CUBN: variants seen among roughly 807,000 people sequenced by gnomAD.
CUBN encodes 460 kDa receptor.
CUBN carries 282 observed loss-of-function variants against 405.3 expected under a neutral mutation model. The ratio of observed to expected loss-of-function variants is 0.70; its 90% CI spans 0.63 to 0.77. CUBN has a LOEUF of 0.77. Ranked by LOEUF, CUBN falls within the 30% of genes least tolerant of loss-of-function variation. The pLI is 0.00. For synonymous variants in CUBN, 1,684 were observed against 1,617.0 expected (o/e 1.04, Z -0.99); for missense variants, 4,514 against 4,475.2 (o/e 1.01, Z -0.25).
At chr10:17,080,716 C>T (rs1835948623) in intron 17 of CUBN, among the ~76,000 whole-genome samples, 2 of 152,216 alleles carry the variant, frequency 1.3e-5, no homozygotes, top group African/African-American at 4.8e-5. Flanking sequence ...CAGCCTACAA[C>T]TTCCCTTCTC....
chr10:17,006,593 G>A (rs1269916383), intron 28 of CUBN, among the ~76,000 whole-genome samples: 1 of 152,124 alleles, frequency 6.6e-6, no homozygotes, highest in African/African-American at 2.4e-5. Context: ...AAAGAGACCT[G>A]GAGCAAAGAT....
chr10:17,091,978 T>G (rs563079510), intron 14 of CUBN, among the ~76,000 whole-genome samples: 3 of 152,210 alleles, frequency 2.0e-5, no homozygotes, highest in Non-Finnish European at 4.4e-5. Flanking sequence ...TTCACTTTAC[T>G]GTATGGACTC....
chr10:16,958,096 A>C (rs990809756), intron 31 of CUBN, among the ~76,000 whole-genome samples: 3 of 152,156 alleles, frequency 2.0e-5, no homozygotes, highest in African/African-American at 7.2e-5. Flanking sequence ...TAAGGGGAAC[A>C]AAAGTAAACT....
At position 17,088,321 on chromosome 10, in the gene CUBN, G is replaced by C. The variant is rs774640234; in HGVS notation, c.1790C>G (p.Pro597Arg). Residue 597 changes from proline to arginine, a missense_variant, in exon 15 of 67, where the codon CCT becomes CGT. By Grantham distance (103) the Pro-to-Arg change is moderately radical (BLOSUM62 -2). Coordinates refer to ENST00000377833, the MANE Select transcript of CUBN (RefSeq NM_001081.4). ...QPECGGILTGPYGSIKSPGYP... is the reference protein window; with the variant it reads ...QPECGGILTGRYGSIKSPGYP... ...CCCCGGAGACTTAATAGAACCGTAAGGACCAGTCAGGATACCTCCACACTC... is the reference window on the plus strand; with the variant it reads ...CCCCGGAGACTTAATAGAACCGTAACGACCAGTCAGGATACCTCCACACTC... 1 of 1,612,392 alleles carries C rather than the reference G, an allele frequency of 6.2e-7. No homozygotes were observed. The highest frequency in any genetic ancestry group is 8.5e-7 in the Non-Finnish European group (1 of 1,178,526).
intron 31 of CUBN, among the ~76,000 whole-genome samples, chr10:16,961,595 C>G (rs1443379157): frequency 6.6e-6 from 1 of 151,058 alleles, no homozygotes; most frequent in Non-Finnish European, 1.5e-5. Context: ...GCAAAGGGAA[C>G]TTTTTAATTC....
At chr10:17,052,786 A>G (rs9663167) in intron 22 of CUBN, among the ~76,000 whole-genome samples, 4,005 of 103,980 alleles carry the variant, frequency 0.039, 77 homozygotes, top group African/African-American at 0.093. Context: ...AAAAAAAAAA[A>G]AGAGAGAGAG....
chr10:17,125,583 G>T (rs567423495), intron 4 of CUBN, among the ~76,000 whole-genome samples: 1 of 152,300 alleles, frequency 6.6e-6, no homozygotes, highest in East Asian at 1.9e-4. Flanking sequence ...ACTGTCTGGG[G>T]ACTAAAATCT....
intron 27 of CUBN, among the ~76,000 whole-genome samples, chr10:17,034,613 T>C (rs1376162542): frequency 6.6e-6 from 1 of 152,180 alleles, no homozygotes; most frequent in Non-Finnish European, 1.5e-5. Context: ...GGATGAGGAC[T>C]AGGAATAAAT....
At chr10:17,077,564 A>C (rs557643477) in intron 17 of CUBN, among the ~76,000 whole-genome samples, 15 of 152,358 alleles carry the variant, frequency 9.8e-5, no homozygotes, top group Non-Finnish European at 2.1e-4. Flanking sequence ...AATTCAAAGC[A>C]ATTCAAATAT....
chr10:16,966,983 C>T (rs1283768322), intron 31 of CUBN, among the ~76,000 whole-genome samples: 1 of 152,158 alleles, frequency 6.6e-6, no homozygotes, highest in Non-Finnish European at 1.5e-5. Flanking sequence ...ATACGAACTT[C>T]TCCAAAATAG....
chr10:16,976,111 C>T (rs1021779284), intron 31 of CUBN, among the ~76,000 whole-genome samples: 1 of 151,904 alleles, frequency 6.6e-6, no homozygotes, highest in African/African-American at 2.4e-5. Flanking sequence ...GCTGGGATTA[C>T]AGGTCTGTGC....
At chr10:17,111,453 C>T (rs77684962) in intron 8 of CUBN, among the ~76,000 whole-genome samples, 6 of 152,086 alleles carry the variant, frequency 3.9e-5, no homozygotes, top group East Asian at 3.9e-4. Context: ...GGATGTCTAC[C>T]GCAGCACTGT....
In CUBN at chr10:17,114,629, C is replaced by T. The variant is rs1378392542; in HGVS notation, c.721-440G>A. Among the ~76,000 whole-genome samples the T allele has an allele frequency of 5.3e-5, 8 of 152,164 alleles. No homozygotes were observed. In the East Asian group the frequency reaches 1.5e-3, roughly 29 times the overall value. On this transcript the variant is annotated intron_variant, in intron 7 of 66. Coordinates refer to ENST00000377833, the MANE Select transcript of CUBN (RefSeq NM_001081.4). ...TCATTGGACGGGAATTATTTTCCAT[C>T]ACATGGGTAGAAAAAATACAACTAA...
chr10:17,088,303 G>A lies in CUBN; in HGVS notation c.1808C>T (p.Ser603Phe). The A allele has an allele frequency of 6.2e-7, 1 of 1,613,416 alleles. No homozygotes were observed. The highest frequency in any genetic ancestry group is 8.5e-7 in the Non-Finnish European group (1 of 1,179,438). Residue 603 changes from serine to phenylalanine, a missense_variant, in exon 15 of 67, where the codon TCT (serine) becomes TTT (phenylalanine). Transcript: ENST00000377833. Reference protein sequence around the residue: ...ILTGPYGSIKSPGYPGNYPPG... With the variant: ...ILTGPYGSIKFPGYPGNYPPG... The stretch of plus-strand genomic sequence containing the variant: ...GGGATAGTTTCCAGGATACCCCGGA[G>A]ACTTAATAGAACCGTAAGGACCAGT...
Position 16,919,945 on chromosome 10 carries a change from A to G in CUBN, c.6821+18T>C, listed in dbSNP as rs1841986073. ...ACTAACTTGGGGTAGGAAAAAAATG[A>G]AAATGGAAGTGACATACTTGGGTGT... is the stretch of plus-strand genomic sequence containing the variant. On this transcript the variant is annotated intron_variant, in intron 44 of 66. Transcript: ENST00000377833. 2 of 1,611,692 alleles carry G rather than the reference A, an allele frequency of 1.2e-6. No homozygotes were observed. The highest frequency in any genetic ancestry group is 1.7e-6 in the Non-Finnish European group (2 of 1,179,462).
chr10:16,824,808 C>T lies in CUBN; in HGVS notation c.*167G>A. On this transcript the variant is annotated 3_prime_UTR_variant, in exon 67 of 67. Transcript: ENST00000377833. The stretch of plus-strand genomic sequence containing the variant: ...GTGCTGAGAATACAGGGGGGTGAGC[C>T]ACCACGCCTGGCCTACAAATATTGA... The T allele has an allele frequency of 1.6e-6, 1 of 642,238 alleles. No individual in the cohort carries two copies. Among genetic ancestry groups the T allele is most frequent in the Non-Finnish European group, 2.9e-6 (1 of 349,000 alleles). 39.8% of individuals were successfully genotyped at this position (642,238 alleles called of 1,614,324 possible).
At chr10:16,840,697 A>G (rs1378939743) in intron 61 of CUBN, among the ~76,000 whole-genome samples, 162 bp from the exon 62 acceptor site, 2 of 152,214 alleles carry the variant, frequency 1.3e-5, no homozygotes, top group African/African-American at 4.8e-5. Flanking sequence ...GATTGTATCA[A>G]ATTTGTACCA....
Position 17,041,222 on chromosome 10 carries a change from T to A in CUBN, c.3830-2A>T. On this transcript the variant is annotated splice_acceptor_variant, in intron 26 of 66. Coordinates refer to ENST00000377833, the MANE Select transcript of CUBN (RefSeq NM_001081.4). LOFTEE classifies it high-confidence loss of function. Reference sequence around the variant, plus strand: ...TGACTATTACCACATTCTCACATGCTGGAAAAAGAAATGACTGTTAAGAAC... The same window carrying A: ...TGACTATTACCACATTCTCACATGCAGGAAAAAGAAATGACTGTTAAGAAC... 1 of 1,612,438 alleles carries A rather than the reference T, an allele frequency of 6.2e-7. No individual in the cohort carries two copies. Among genetic ancestry groups the A allele is most frequent in the Non-Finnish European group, 8.5e-7 (1 of 1,178,592 alleles).
chr10:17,108,893 G>C (rs896077320), intron 10 of CUBN, among the ~76,000 whole-genome samples: 26 of 152,084 alleles, frequency 1.7e-4, no homozygotes, highest in African/African-American at 6.3e-4. Context: ...AAGAAAGAAA[G>C]AGAGCAAAGG....
Sources: allele counts gnomAD v4.1 joint callset (sites outside exome capture counted in the v4.1 genomes callset), GRCh38; gene constraint gnomAD v4.1.1; transcripts MANE v1.5; gene names NCBI Gene and HGNC (gene_info 2026-07-23, HGNC 2026-07-21).